Variants in AGBL3 observed in about 807,000 individuals in gnomAD.
The protein encoded by AGBL3 is AGBL carboxypeptidase 3.
A neutral mutation model predicts 94.5 loss-of-function variants in AGBL3; 68 were observed. The observed-to-expected ratio is 0.72, with a 90% CI of 0.59 to 0.88. The LOEUF (loss-of-function observed/expected upper bound fraction) is 0.88, where lower values mean the gene tolerates loss of function less well. Among genes scored for constraint, AGBL3 ranks in the 40% least tolerant of loss-of-function variants. The probability of loss-of-function intolerance (pLI) is 0.00; values close to 1 mark genes in which losing one functional copy is unlikely to be tolerated. For missense variants in AGBL3, 934 were observed against 1,103.8 expected (o/e 0.85, Z 2.18); for synonymous variants, 354 against 370.7 (o/e 0.95, Z 0.52).
chr7:135,051,021 G>A (rs747551237), intron 11 of AGBL3: 2 of 443,812 alleles, frequency 4.5e-6, no homozygotes, highest in South Asian at 1.6e-5. Context: ...ACTACCCACA[G>A]AGAACTGACA....
At chr7:135,020,253 T>G (rs1814283433) in intron 5 of AGBL3, among the ~76,000 whole-genome samples, 1 of 152,112 alleles carries the variant, frequency 6.6e-6, no homozygotes, top group African/African-American at 2.4e-5. Context: ...GTGAAGGATA[T>G]GAACAGACAC....
At chr7:135,035,459 A>C (rs1816208757) in intron 7 of AGBL3, among the ~76,000 whole-genome samples, 1 of 152,134 alleles carries the variant, frequency 6.6e-6, no homozygotes, top group Non-Finnish European at 1.5e-5. Context: ...ATAAGAAGTC[A>C]GTCACATGTG....
chr7:135,024,030 C>G (rs1286888906), intron 5 of AGBL3, among the ~76,000 whole-genome samples: 3 of 151,566 alleles, frequency 2.0e-5, no homozygotes, highest in Non-Finnish European at 4.4e-5. Context: ...CGGGAGGAGC[C>G]CCCATTCTGA....
intron 4 of AGBL3, among the ~76,000 whole-genome samples, chr7:135,014,154 C>A (rs1248707718): frequency 1.5e-5 from 2 of 132,204 alleles, no homozygotes; most frequent in African/African-American, 5.7e-5. Flanking sequence ...TGAGATCATG[C>A]CACTGCACTC....
intron 12 of AGBL3, among the ~76,000 whole-genome samples, chr7:135,074,554 T>C (rs1179731257): frequency 6.6e-6 from 1 of 152,190 alleles, no homozygotes; most frequent in African/African-American, 2.4e-5. Context: ...TATTCTCTGC[T>C]GTGCCATCAC....
intron 16 of AGBL3, among the ~76,000 whole-genome samples, chr7:135,117,264 G>A (rs1826450753): frequency 6.6e-6 from 1 of 152,138 alleles, no homozygotes; most frequent in Non-Finnish European, 1.5e-5. Context: ...TGTTTGACCA[G>A]AGAGAAATTT....
At chr7:135,134,415 G>A (rs10228880) in intron 16 of AGBL3, among the ~76,000 whole-genome samples, 2,889 of 151,966 alleles carry the variant, frequency 0.019, 103 homozygotes, top group African/African-American at 0.065. Context: ...TTAGACTCAC[G>A]TTGATTTTTT....
At chr7:135,038,007 CA>C (rs1816475831) in intron 8 of AGBL3, among the ~76,000 whole-genome samples, 1 of 151,622 alleles carries the variant, frequency 6.6e-6, no homozygotes, top group Non-Finnish European at 1.5e-5. Context: ...AAACTTAATC[CA>C]ATAACCAATA....
rs536501986 is a variant in AGBL3, at chr7:135,000,883, C to T, written c.310+7205C>T. On this transcript the variant is annotated intron_variant, in intron 4 of 16. Transcript: ENST00000436302. ...CAGGGCTACTGTAGAGAAAATGTGT[C>T]GGTGCCAGCAGCCCAGTTTCTAACA... Among the ~76,000 whole-genome samples, 6 of 152,268 alleles carry T rather than the reference C, an allele frequency of 3.9e-5. No homozygotes were observed. The South Asian group carries it at 6.2e-4, about 16-fold the overall frequency.
chr7:135,103,413 A>T (rs1049067514), intron 15 of AGBL3, among the ~76,000 whole-genome samples: 10 of 152,290 alleles, frequency 6.6e-5, no homozygotes, highest in Non-Finnish European at 1.3e-4. Context: ...TTCTTGAATC[A>T]AACTCTCACC....
intron 15 of AGBL3, among the ~76,000 whole-genome samples, chr7:135,107,214 C>T (rs1438634433): frequency 1.3e-5 from 2 of 152,116 alleles, no homozygotes; most frequent in East Asian, 3.9e-4. Flanking sequence ...TCAGTCTCCT[C>T]CACTTCAGCT....
At chr7:134,996,089 T>C (rs1372600390) in intron 4 of AGBL3, among the ~76,000 whole-genome samples, 2 of 152,206 alleles carry the variant, frequency 1.3e-5, no homozygotes, top group Non-Finnish European at 2.9e-5. Context: ...CTTATAAGAC[T>C]TCACAGAGCA....
intron 8 of AGBL3, among the ~76,000 whole-genome samples, chr7:135,038,765 T>A (rs1228281486): frequency 6.6e-6 from 1 of 152,022 alleles, no homozygotes; most frequent in Non-Finnish European, 1.5e-5. Context: ...ATCGAGACCA[T>A]CCTGGCTAAC....
chr7:135,025,415 T>A (rs1222913506), intron 5 of AGBL3, among the ~76,000 whole-genome samples: 12 of 151,608 alleles, frequency 7.9e-5, no homozygotes. Context: ...AAGTAAGTGC[T>A]AAGGGAAGTT....
At chr7:135,102,836 T>C (rs1182507915) in intron 15 of AGBL3, among the ~76,000 whole-genome samples, 2 of 152,128 alleles carry the variant, frequency 1.3e-5, no homozygotes, top group African/African-American at 4.8e-5. Context: ...GGAAAAAGCA[T>C]GGGAGAGAAT....
In AGBL3 at chr7:135,034,203, C is replaced by T. The variant is rs74319573; in HGVS notation, c.612C>T (p.His204=). ...GCCCTGACCTCTTCACAAATAAACA[C>T]ACCCAGTGGTACTATTTCCAAGTCA... is the stretch of plus-strand genomic sequence containing the variant. ...TVRPDLFTNK[H]TQWYYFQVTN... The change falls in exon 7 of 17, where the codon CAC becomes CAT. Residue 204 remains histidine (H), a synonymous_variant. Coordinates refer to ENST00000436302, the MANE Select transcript of AGBL3 (RefSeq NM_178563.4). The T allele has an allele frequency of 1.2e-3, 1,823 of 1,551,520 alleles. 22 individuals are homozygous for T. The African/African-American group carries it at 0.022, about 18-fold the overall frequency.
intron 15 of AGBL3, among the ~76,000 whole-genome samples, chr7:135,102,342 A>G (rs746969062): frequency 6.6e-6 from 1 of 152,172 alleles, no homozygotes; most frequent in Non-Finnish European, 1.5e-5. Flanking sequence ...TTTTTAGTTT[A>G]CCTTCCCTAA....
chr7:135,099,882 C>CTTTTTTTTTTTTTTTTT (rs34324217), intron 15 of AGBL3: 1 of 62,700 alleles, frequency 1.6e-5, no homozygotes. Context: ...CTGAGTTTCT[C>CTTTTTTTTTTTTTTTTT]TTTTTTTTTT....
At chr7:135,122,545 G>A (rs1827281611) in intron 16 of AGBL3, among the ~76,000 whole-genome samples, 2 of 152,126 alleles carry the variant, frequency 1.3e-5, no homozygotes, top group Non-Finnish European at 2.9e-5. Context: ...AAAGTGCTTC[G>A]TTAAATGGGT....
Sources: allele counts gnomAD v4.1 joint callset (sites outside exome capture counted in the v4.1 genomes callset), GRCh38; gene constraint gnomAD v4.1.1; transcripts MANE v1.5; gene names NCBI Gene and HGNC (gene_info 2026-07-23, HGNC 2026-07-21).